DHTKD1: variants seen among roughly 807,000 people sequenced by gnomAD.
DHTKD1 encodes 2-oxoadipate dehydrogenase complex component E1.
DHTKD1 carries 78 observed loss-of-function variants against 101.8 expected under a neutral mutation model. The observed-to-expected ratio is 0.77, with a 90% CI of 0.64 to 0.93. The LOEUF is 0.93. DHTKD1 is among the 40% of genes least tolerant of loss of function. The pLI is 0.00. For missense variants in DHTKD1, 1,223 were observed against 1,161.7 expected (o/e 1.05, Z -0.77); for synonymous variants, 462 against 450.3 (o/e 1.03, Z -0.33).
rs1315361530 is a variant in DHTKD1 at position 12,107,984 on chromosome 10, A to G, written c.2123A>G (p.His708Arg). The G allele has an allele frequency of 6.2e-7, 1 of 1,613,758 alleles. No individual in the cohort carries two copies. Among genetic ancestry groups the G allele is most frequent in the Non-Finnish European group, 8.5e-7 (1 of 1,179,906 alleles). Residue 708 changes from histidine (H) to arginine (R), a missense_variant, in exon 12 of 17, where the codon CAC (histidine) becomes CGC (arginine). By Grantham distance (29) the His-to-Arg change is conservative. Coordinates refer to ENST00000263035, the MANE Select transcript of DHTKD1 (RefSeq NM_018706.7). This position sits in a 1 kb window ranked among gnomAD's most constrained non-coding sequence, Gnocchi z 4.1. ...GGCTACGATGGGGCTGGGCCAGACC[A>G]CTCATCCTGTCGAATAGAGCGTTTC... The part of the protein sequence containing the change: ...PHGYDGAGPD[H>R]SSCRIERFLQ...
intron 1 of DHTKD1, among the ~76,000 whole-genome samples, chr10:12,077,951 G>A (rs1832759519): frequency 6.6e-6 from 1 of 152,044 alleles, no homozygotes; most frequent in Middle Eastern, 3.2e-3. Flanking sequence ...TAGTCTGAGG[G>A]AGCATGTGTT....
Position 12,087,717 on chromosome 10 carries a change from G to T in DHTKD1, c.705G>T (p.Gln235His). 6.2e-7 allele frequency: 1 copy of T among 1,601,636 alleles called. No homozygotes were observed. The highest frequency in any genetic ancestry group is 8.5e-7 in the Non-Finnish European group (1 of 1,173,566). Residue 235 changes from glutamine (Q) to histidine (H), a missense_variant, in exon 4 of 17, where the codon CAG becomes CAT. By Grantham distance (24) the Gln-to-His change is conservative (BLOSUM62 0). Coordinates refer to ENST00000263035, the MANE Select transcript of DHTKD1 (RefSeq NM_018706.7). The surrounding 1 kb of genome is among the most constrained non-coding windows in gnomAD (Gnocchi z 5.2). ...GRLNLLTGLLQFPPELMFRKM... is the reference protein window; with the variant it reads ...GRLNLLTGLLHFPPELMFRKM... ...TGAATTTATTGACAGGCCTTCTGCA[G>T]TTCCCTCCAGAGGTAAGGTTACTCG...
chr10:12,110,818 T>C lies in DHTKD1; in HGVS notation c.2155-2082T>C, dbSNP rs894408413. On this transcript the variant is annotated intron_variant, in intron 12 of 16. Transcript: ENST00000263035. This position sits in a 1 kb window ranked among gnomAD's most constrained non-coding sequence, Gnocchi z 4.9. ...ACTTTGGGAGGCCAAGGTGGGTGGA[T>C]ATCTTGCTCAGGAGTTTGAGACCAG... is the stretch of plus-strand genomic sequence containing the variant. Among the ~76,000 whole-genome samples, 1 of 152,220 alleles carries C rather than the reference T, an allele frequency of 6.6e-6. No individual in the cohort carries two copies. Among genetic ancestry groups the C allele is most frequent in the South Asian group, 2.1e-4 (1 of 4,824 alleles).
In DHTKD1 at chr10:12,107,107, C is replaced by T. The variant is rs1164585108; in HGVS notation, c.2047+711C>T. Among the ~76,000 whole-genome samples, 1 of 151,998 alleles carries T rather than the reference C, an allele frequency of 6.6e-6. No homozygotes were observed. Among genetic ancestry groups the T allele is most frequent in the East Asian group, 1.9e-4 (1 of 5,172 alleles). On this transcript the variant is annotated intron_variant, in intron 11 of 16. Transcript: ENST00000263035. The surrounding 1 kb of genome is among the most constrained non-coding windows in gnomAD (Gnocchi z 4.1). Reference sequence around the variant, plus strand: ...TTGCACGATTCTCCTGCCTCAGCCTCCCGAGTAGCTGGGACTACATAGGCG... The same window carrying T: ...TTGCACGATTCTCCTGCCTCAGCCTTCCGAGTAGCTGGGACTACATAGGCG...
At position 12,068,987 on chromosome 10, in the gene DHTKD1, C is replaced by A. The variant is rs762234065; in HGVS notation, c.-47C>A. The A allele has an allele frequency of 1.1e-5, 17 of 1,607,112 alleles. No individual in the cohort carries two copies. The highest frequency in any genetic ancestry group is 1.8e-4 in the Middle Eastern group (1 of 5,488). ...CCGGATTTACCAGGGCCGGTGGGAT[C>A]CCCTCGGGCTCCCGCCTTAGCATGC... On this transcript the variant is annotated 5_prime_UTR_variant, in exon 1 of 17. Transcript: ENST00000263035.
intron 8 of DHTKD1, among the ~76,000 whole-genome samples, 179 bp downstream of exon 8, chr10:12,098,175 C>A (rs576009256): frequency 6.6e-6 from 1 of 152,290 alleles, no homozygotes; most frequent in Admixed American, 6.5e-5. Context: ...CTCAGATTTT[C>A]TCTTCTTTTC....
At chr10:12,097,295 G>A (rs1055291632) in intron 7 of DHTKD1, among the ~76,000 whole-genome samples, 1 of 151,438 alleles carries the variant, frequency 6.6e-6, no homozygotes, top group Admixed American at 6.6e-5. Context: ...TTTTTGAGAC[G>A]GAGTTTCACT....
At chr10:12,105,956 A>G (rs1833240269) in intron 10 of DHTKD1, among the ~76,000 whole-genome samples, 1 of 152,080 alleles carries the variant, frequency 6.6e-6, no homozygotes, top group African/African-American at 2.4e-5. Flanking sequence ...TTAGCTGGGC[A>G]TGGTGGCGGG....
intron 4 of DHTKD1, 128 bp from the exon 5 acceptor site, chr10:12,088,858 T>C (rs1450621956): frequency 1.2e-6 from 1 of 840,466 alleles, no homozygotes; most frequent in African/African-American, 1.7e-5. Context: ...GTGCTGGAAT[T>C]ACAGGCATAA....
chr10:12,090,101 T>C (rs1484153207), intron 5 of DHTKD1, among the ~76,000 whole-genome samples: 1 of 152,152 alleles, frequency 6.6e-6, no homozygotes, highest in Non-Finnish European at 1.5e-5. Context: ...CAAGTATCTT[T>C]TAGAGGTTTG....
At chr10:12,115,084 C>T (rs933367938) in intron 13 of DHTKD1, among the ~76,000 whole-genome samples, 3 of 81,656 alleles carry the variant, frequency 3.7e-5, no homozygotes, top group South Asian at 5.8e-4. Flanking sequence ...CATGAGCCAC[C>T]GCTCCCGGCC....
At chr10:12,069,518 C>CTTTTTTTTTTTTTTT (rs10691718) in intron 1 of DHTKD1, among the ~76,000 whole-genome samples, 2 of 81,552 alleles carry the variant, frequency 2.5e-5, no homozygotes, top group Non-Finnish European at 4.3e-5. Context: ...TTTTTGTTTC[C>CTTTTTTTTTTTTTTT]TTTTTTTTTT....
intron 1 of DHTKD1, among the ~76,000 whole-genome samples, chr10:12,072,544 T>C (rs1393984295): frequency 1.3e-5 from 2 of 152,114 alleles, no homozygotes; most frequent in African/African-American, 4.8e-5. Flanking sequence ...TTGCCTCTAG[T>C]AACCTTTTGG....
chr10:12,113,596 G>T (rs1010654753), intron 13 of DHTKD1, among the ~76,000 whole-genome samples: 4 of 152,196 alleles, frequency 2.6e-5, no homozygotes, highest in South Asian at 2.1e-4. Flanking sequence ...TGTTATACTA[G>T]TGCCCTCCTG....
intron 1 of DHTKD1, among the ~76,000 whole-genome samples, chr10:12,073,580 A>G (rs904397227): frequency 4.6e-5 from 7 of 152,162 alleles, no homozygotes; most frequent in Non-Finnish European, 8.8e-5. Flanking sequence ...TCCGGAGCTC[A>G]AGCCATCTGC....
intron 10 of DHTKD1, among the ~76,000 whole-genome samples, chr10:12,104,567 GT>G (rs1833217292): frequency 1.3e-5 from 2 of 152,090 alleles, no homozygotes; most frequent in Non-Finnish European, 2.9e-5. Flanking sequence ...TTACCAAAAT[GT>G]TGTGTACAGT....
In DHTKD1 at chr10:12,069,069, C is replaced by A. The variant is rs972872618; in HGVS notation, c.36C>A (p.Gly12=). The change falls in exon 1 of 17, where the codon GGC becomes GGA. Residue 12 remains glycine (G), a synonymous_variant. Coordinates refer to ENST00000263035, the MANE Select transcript of DHTKD1 (RefSeq NM_018706.7). ...CTACTGCGGCAGCAGCACGACGGGG[C>A]CTCGGCCGGGCTCTCCCTCTCTTCT... ...ASATAAAARR[G]LGRALPLFWR... The A allele has an allele frequency of 1.9e-6, 3 of 1,612,850 alleles. No homozygotes were observed. Among genetic ancestry groups the A allele is most frequent in the African/African-American group, 1.3e-5 (1 of 74,850 alleles).
intron 1 of DHTKD1, among the ~76,000 whole-genome samples, chr10:12,072,323 C>G (rs771701366): frequency 2.0e-5 from 3 of 151,978 alleles, no homozygotes; most frequent in Non-Finnish European, 4.4e-5. Flanking sequence ...AAAAATTGAC[C>G]TGGTGGTGTG....
At position 12,106,245 on chromosome 10, in the gene DHTKD1, G is replaced by A. The variant is rs760386662; in HGVS notation, c.1897-1G>A. ...CGTTTCCTTCTCTTCTCTGGGATTA[G>A]GTCAGCAACAGCCCACTGTCAGAAG... On this transcript the variant is annotated splice_acceptor_variant, in intron 10 of 16. Transcript: ENST00000263035. LOFTEE classifies it high-confidence loss of function. 2.2e-5 allele frequency: 36 copies of A among 1,614,022 alleles called. No individual in the cohort carries two copies. In the Middle Eastern group the frequency reaches 1.6e-3, roughly 74 times the overall value.
Sources: allele counts gnomAD v4.1 joint callset (sites outside exome capture counted in the v4.1 genomes callset), GRCh38; gene constraint gnomAD v4.1.1; non-coding constraint Gnocchi (gnomAD v3.1); transcripts MANE v1.5; gene names NCBI Gene and HGNC (gene_info 2026-07-23, HGNC 2026-07-21).